Variants in GRIP2 observed in about 807,000 individuals in gnomAD.
GRIP2 encodes glutamate receptor-interacting protein 2.
In GRIP2, 58 loss-of-function variants were observed where a neutral mutation model predicts 108.3. The ratio of observed to expected loss-of-function variants is 0.54; its 90% CI spans 0.43 to 0.67. GRIP2 has a LOEUF of 0.67. Among genes scored for constraint, GRIP2 ranks in the 30% least tolerant of loss-of-function variants. The pLI is 0.00. For synonymous variants in GRIP2, 586 were observed against 598.2 expected, an observed-to-expected ratio of 0.98 and a Z score of 0.30; for missense variants, 1,278 against 1,430.6, an observed-to-expected ratio of 0.89 and a Z score of 1.72.
At chr3:14,535,119 C>A (rs763310476) in intron 1 of GRIP2, among the ~76,000 whole-genome samples, 1 of 151,756 alleles carries the variant, frequency 6.6e-6, no homozygotes, top group Non-Finnish European at 1.5e-5. Context: ...ACCATGCCAG[C>A]TCACCGGGAC....
At chr3:14,580,648 G>A in the GRIP2 span, among the ~76,000 whole-genome samples, 1 of 152,118 alleles carries the variant, frequency 6.6e-6, no homozygotes, top group Admixed American at 6.6e-5. Context: ...AGCTGAGATC[G>A]CACCACTGTA....
At chr3:14,556,790 T>C (rs1431714425), upstream of GRIP2, among the ~76,000 whole-genome samples, 1 of 152,232 alleles carries the variant, frequency 6.6e-6, no homozygotes, top group African/African-American at 2.4e-5. Context: ...TCCCACATCC[T>C]GACCCCTGAG....
At chr3:14,569,935 C>T in the GRIP2 span, among the ~76,000 whole-genome samples, 1 of 152,082 alleles carries the variant, frequency 6.6e-6, no homozygotes, top group South Asian at 2.1e-4. Flanking sequence ...CTCACAAAAA[C>T]CTTTGCACGA....
At chr3:14,533,198 A>G in intron 1 of GRIP2, among the ~76,000 whole-genome samples, 1 of 152,204 alleles carries the variant, frequency 6.6e-6, no homozygotes, top group East Asian at 1.9e-4. Context: ...ATTCAACAAG[A>G]TGTTTCTGAG....
the GRIP2 span, among the ~76,000 whole-genome samples, chr3:14,595,970 G>T: frequency 6.6e-6 from 1 of 152,248 alleles, no homozygotes; most frequent in Non-Finnish European, 1.5e-5. Context: ...ATGGGACGGG[G>T]TCCCTGCCCC....
At chr3:14,545,283 G>A (rs1018807869), upstream of GRIP2, among the ~76,000 whole-genome samples, 2 of 152,256 alleles carry the variant, frequency 1.3e-5, no homozygotes, top group African/African-American at 4.8e-5. Flanking sequence ...GGCCCAGAAA[G>A]GTAAAGCCAC....
chr3:14,592,168 C>T, the GRIP2 span, among the ~76,000 whole-genome samples: 4 of 152,250 alleles, frequency 2.6e-5, no homozygotes, highest in African/African-American at 9.6e-5. Flanking sequence ...TCGGGCCTGT[C>T]CTAGCTGCTC....
chr3:14,517,559 C>T (rs572726703), intron 10 of GRIP2, among the ~76,000 whole-genome samples: 2 of 131,980 alleles, frequency 1.5e-5, no homozygotes, highest in East Asian at 2.3e-4. Context: ...TGAAGTGCGG[C>T]GGTGTGATCT....
chr3:14,550,195 C>T (rs760483193), intron 1 of GRIP2, among the ~76,000 whole-genome samples: 58 of 152,200 alleles, frequency 3.8e-4, no homozygotes, highest in Non-Finnish European at 7.1e-4. Flanking sequence ...CCAGCCTCCC[C>T]GCCTCCCATT....
intron 3 of GRIP2, 56 bp downstream of exon 3, chr3:14,525,381 C>G: frequency 6.3e-7 from 1 of 1,591,408 alleles, no homozygotes. Flanking sequence ...TGGCCCTGGG[C>G]TCCCATCATT....
rs1694931980 is a variant in GRIP2 at position 14,540,202 on chromosome 3, G to T, written c.40+67C>A. 6.4e-7 allele frequency: 1 copy of T among 1,555,044 alleles called. No homozygotes were observed. The highest frequency in any genetic ancestry group is 1.7e-4 in the Middle Eastern group (1 of 5,854). ...CAGCCATCCAGTCCCCTCTCTCTGGGCAGCAGCTCCAGAGGGATCTATGTG... is the reference window on the plus strand; with the variant it reads ...CAGCCATCCAGTCCCCTCTCTCTGGTCAGCAGCTCCAGAGGGATCTATGTG... On this transcript the variant is annotated intron_variant, in intron 1 of 23. Transcript: ENST00000621039. The surrounding 1 kb of genome is among the most constrained non-coding windows in gnomAD (Gnocchi z 4.1).
intron 11 of GRIP2, among the ~76,000 whole-genome samples, 192 bp downstream of exon 11, chr3:14,516,872 C>T (rs1460595550): frequency 1.3e-5 from 2 of 152,100 alleles, no homozygotes; most frequent in Non-Finnish European, 2.9e-5. Flanking sequence ...CTCAGTGGTC[C>T]TCTTGAGCAG....
chr3:14,551,028 G>C (rs1182124837), intron 1 of GRIP2, among the ~76,000 whole-genome samples: 3 of 152,210 alleles, frequency 2.0e-5, no homozygotes, highest in South Asian at 2.1e-4. Context: ...GTGAGCGGGA[G>C]GGGGGAGGCA....
chr3:14,572,260 CT>C, the GRIP2 span, among the ~76,000 whole-genome samples: 23,089 of 147,262 alleles, frequency 0.16, 1,941 homozygotes, highest in Middle Eastern at 0.25. Context: ...CGCAATGGAA[CT>C]TTTTTTTTTT....
intron 13 of GRIP2, among the ~76,000 whole-genome samples, chr3:14,513,116 C>T (rs376726756): frequency 6.6e-6 from 1 of 152,060 alleles, no homozygotes; most frequent in Non-Finnish European, 1.5e-5. Flanking sequence ...GTGTGGCGGG[C>T]GGGAAGGGAG....
chr3:14,554,154 T>G (rs1695197061), intron 1 of GRIP2, among the ~76,000 whole-genome samples: 1 of 152,006 alleles, frequency 6.6e-6, no homozygotes, highest in African/African-American at 2.4e-5. Flanking sequence ...GAAGGGCAGT[T>G]TTTCTTGGGC....
At chr3:14,564,302 G>A in the GRIP2 span, among the ~76,000 whole-genome samples, 16 of 152,354 alleles carry the variant, frequency 1.1e-4, no homozygotes, top group South Asian at 2.1e-4. Context: ...CGTGGGCCGC[G>A]TGGGTGGAGG....
the GRIP2 span, chr3:14,573,853 G>A: frequency 1.5e-6 from 2 of 1,370,976 alleles, no homozygotes; most frequent in Non-Finnish European, 2.1e-6. Flanking sequence ...CACATTGCCA[G>A]CATGGGCGAG....
chr3:14,521,940 G>C lies in GRIP2; in HGVS notation c.567-153C>G, dbSNP rs1188433541. The C allele has an allele frequency of 3.0e-6, 2 of 671,112 alleles. No individual in the cohort carries two copies. The highest frequency in any genetic ancestry group is 4.8e-6 in the Non-Finnish European group (2 of 415,738). The allele number at this position is 671,112 out of a possible 1,614,324, so 41.6% of individuals were successfully genotyped here. A position where few individuals can be genotyped will look rare whatever the true frequency, so the allele number is the denominator to read the frequency against. On this transcript the variant is annotated intron_variant, in intron 6 of 23. Coordinates refer to ENST00000621039, the MANE Select transcript of GRIP2 (RefSeq NM_001080423.4). This position sits in a 1 kb window ranked among gnomAD's most constrained non-coding sequence, Gnocchi z 5.1. ...AGGGGACGGGTGAAGGGGCGCATGA[G>C]TGAGTGAAGGAATGAGCCACTCCAG...
Sources: allele counts gnomAD v4.1 joint callset (sites outside exome capture counted in the v4.1 genomes callset), GRCh38; gene constraint gnomAD v4.1.1; non-coding constraint Gnocchi (gnomAD v3.1); transcripts MANE v1.5; gene names NCBI Gene and HGNC (gene_info 2026-07-23, HGNC 2026-07-21).